Variants in PRKCE observed in about 807,000 individuals in gnomAD.
The protein encoded by PRKCE is protein kinase C epsilon.
A neutral mutation model predicts 85.4 loss-of-function variants in PRKCE; 16 were observed. That is an observed-to-expected ratio of 0.19 (90% confidence interval 0.13 to 0.28). PRKCE has a LOEUF of 0.28. Among genes scored for constraint, PRKCE ranks in the 10% least tolerant of loss-of-function variants. The pLI, the probability that PRKCE is intolerant of heterozygous loss-of-function variation, is 1.00. For missense variants in PRKCE, 573 were observed against 975.2 expected (o/e 0.59, Z 5.49); for synonymous variants, 388 against 371.5 (o/e 1.04, Z -0.51).
At chr2:45,813,834 G>A (rs112277329) in intron 1 of PRKCE, among the ~76,000 whole-genome samples, 1 of 152,184 alleles carries the variant, frequency 6.6e-6, no homozygotes, top group African/African-American at 2.4e-5. Flanking sequence ...GCCCAACACA[G>A]CCCACAGGGC....
chr2:45,853,775 C>T (rs933846206), intron 2 of PRKCE, among the ~76,000 whole-genome samples: 3 of 152,206 alleles, frequency 2.0e-5, no homozygotes, highest in Admixed American at 2.0e-4. Flanking sequence ...TCATATTCCA[C>T]TGTACAATCA....
At chr2:45,779,910 G>C (rs1686049720) in intron 1 of PRKCE, among the ~76,000 whole-genome samples, 1 of 152,122 alleles carries the variant, frequency 6.6e-6, no homozygotes, top group Non-Finnish European at 1.5e-5. Flanking sequence ...ACCTAGAACA[G>C]TATAATAAAT....
chr2:46,011,901 C>T (rs556578439), intron 10 of PRKCE, among the ~76,000 whole-genome samples: 1 of 152,324 alleles, frequency 6.6e-6, no homozygotes, highest in South Asian at 2.1e-4. Flanking sequence ...ATCTGGAAAT[C>T]ATTCTGCTTA....
intron 1 of PRKCE, among the ~76,000 whole-genome samples, chr2:45,682,759 G>T (rs1454420993): frequency 6.6e-6 from 1 of 152,088 alleles, no homozygotes; most frequent in African/African-American, 2.4e-5. Context: ...GCTATTTTTG[G>T]TATTTTTAGT....
intron 14 of PRKCE, among the ~76,000 whole-genome samples, chr2:46,175,371 A>T (rs1319692194): frequency 6.6e-6 from 1 of 152,216 alleles, no homozygotes; most frequent in Non-Finnish European, 1.5e-5. Flanking sequence ...GGATCATCCC[A>T]AAGACAATTC....
At chr2:45,975,578 G>A (rs941505515) in intron 2 of PRKCE, among the ~76,000 whole-genome samples, 9 of 152,272 alleles carry the variant, frequency 5.9e-5, no homozygotes, top group African/African-American at 1.7e-4. Context: ...TCTCCAAATA[G>A]CATCACTTTG....
intron 1 of PRKCE, among the ~76,000 whole-genome samples, chr2:45,761,322 A>G (rs868460604): frequency 1.1e-3 from 64 of 57,452 alleles, no homozygotes; most frequent in Admixed American, 4.9e-3. Context: ...GCGAGACTCC[A>G]TCTCAAAAAA....
intron 2 of PRKCE, among the ~76,000 whole-genome samples, chr2:45,888,465 C>CTTTTTTTTT (rs34871432): frequency 3.1e-4 from 23 of 74,752 alleles, no homozygotes; most frequent in South Asian, 6.4e-4. Context: ...TCCCAACAGT[C>CTTTTTTTTT]TTTTTTTTTT....
At chr2:46,030,704 G>C (rs575510581) in intron 10 of PRKCE, among the ~76,000 whole-genome samples, 11 of 152,296 alleles carry the variant, frequency 7.2e-5, no homozygotes, top group South Asian at 6.2e-4. Context: ...GTAGCAACTT[G>C]TAATTATGTC....
intron 1 of PRKCE, among the ~76,000 whole-genome samples, chr2:45,812,163 A>T (rs1688698189): frequency 6.6e-6 from 1 of 152,244 alleles, no homozygotes. Flanking sequence ...AACAGGCTTC[A>T]CTACACTTGT....
intron 1 of PRKCE, among the ~76,000 whole-genome samples, chr2:45,681,566 T>C (rs1676905980): frequency 6.6e-6 from 1 of 152,192 alleles, no homozygotes; most frequent in African/African-American, 2.4e-5. Flanking sequence ...CCACCTGTGA[T>C]TAATGTCCCA....
rs185063492 is a variant in PRKCE at position 45,669,728 on chromosome 2, C to T, written c.348+17280C>T. ...TATCTGTGAAAATTAAAATGTATATCGGCCGGGCATGGTGGCTCATGCCTG... is the reference window on the plus strand; with the variant it reads ...TATCTGTGAAAATTAAAATGTATATTGGCCGGGCATGGTGGCTCATGCCTG... On this transcript the variant is annotated intron_variant, in intron 1 of 14. Transcript: ENST00000306156. Among the ~76,000 whole-genome samples the T allele has an allele frequency of 6.6e-5, 10 of 152,296 alleles. No homozygotes were observed. In the South Asian group the frequency reaches 1.2e-3, roughly 19 times the overall value.
At chr2:46,074,373 G>A (rs897323416) in intron 10 of PRKCE, among the ~76,000 whole-genome samples, 1 of 137,040 alleles carries the variant, frequency 7.3e-6, no homozygotes, top group Non-Finnish European at 1.5e-5. Flanking sequence ...GTTAGTCAGC[G>A]AGATTTCTTT....
intron 2 of PRKCE, 113 bp downstream of exon 2, chr2:45,843,176 C>A: frequency 1.1e-6 from 1 of 942,278 alleles, no homozygotes. Flanking sequence ...AATTAATTGG[C>A]ATCCTTTAAA....
At chr2:45,963,232 C>T (rs1362018292) in intron 2 of PRKCE, among the ~76,000 whole-genome samples, 1 of 152,186 alleles carries the variant, frequency 6.6e-6, no homozygotes, top group Non-Finnish European at 1.5e-5. Context: ...AGTCCCTCTG[C>T]TTTCTGGGAA....
intron 14 of PRKCE, among the ~76,000 whole-genome samples, chr2:46,172,949 A>G (rs1292930479): frequency 1.3e-5 from 2 of 152,242 alleles, no homozygotes; most frequent in East Asian, 3.8e-4. Context: ...ACTTAGTGGT[A>G]TCACTACCCC....
At chr2:46,012,738 G>C (rs572468217) in intron 10 of PRKCE, among the ~76,000 whole-genome samples, 1 of 152,330 alleles carries the variant, frequency 6.6e-6, no homozygotes, top group East Asian at 1.9e-4. Context: ...AATGAGTGAG[G>C]GAGTGGGAAT....
chr2:45,886,712 C>T (rs549778045), intron 2 of PRKCE, among the ~76,000 whole-genome samples: 1 of 152,314 alleles, frequency 6.6e-6, no homozygotes, highest in East Asian at 1.9e-4. Flanking sequence ...CATTGCACTT[C>T]GAGTGCTGAT....
Position 46,001,616 on chromosome 2 carries a change from G to T in PRKCE, c.966+70G>T. On this transcript the variant is annotated intron_variant, in intron 7 of 14. Coordinates refer to ENST00000306156, the MANE Select transcript of PRKCE (RefSeq NM_005400.3). This position sits in a 1 kb window ranked among gnomAD's most constrained non-coding sequence, Gnocchi z 4.4. ...GCATTTCTGTGCTGACTTCCAGAGG[G>T]TGCTCTGGAGTGAGGTAATAAGATT... The T allele has an allele frequency of 1.3e-6, 2 of 1,486,904 alleles. No individual in the cohort carries two copies. Among genetic ancestry groups the T allele is most frequent in the Non-Finnish European group, 1.8e-6 (2 of 1,108,946 alleles). 92.1% of individuals were successfully genotyped at this position (1,486,904 alleles called of 1,614,324 possible). A position where few individuals can be genotyped will look rare whatever the true frequency, so the allele number is the denominator to read the frequency against.
Sources: allele counts gnomAD v4.1 joint callset (sites outside exome capture counted in the v4.1 genomes callset), GRCh38; gene constraint gnomAD v4.1.1; non-coding constraint Gnocchi (gnomAD v3.1); transcripts MANE v1.5; gene names NCBI Gene and HGNC (gene_info 2026-07-23, HGNC 2026-07-21).